The following ASIC2 variants were observed in gnomAD, a reference collection of about 807,000 sequenced individuals.
The protein encoded by ASIC2 is acid sensing ion channel subunit 2.
A neutral mutation model predicts 57.3 loss-of-function variants in ASIC2; 25 were observed. That is an observed-to-expected ratio of 0.44 (90% confidence interval 0.32 to 0.61). The LOEUF (loss-of-function observed/expected upper bound fraction) is 0.61. Ranked by LOEUF, ASIC2 falls within the 20% of genes least tolerant of loss-of-function variation. The probability of loss-of-function intolerance (pLI) is 0.06; values close to 1 mark genes in which losing one functional copy is unlikely to be tolerated. For missense variants in ASIC2, 641 were observed against 738.1 expected (o/e 0.87, Z 1.52); for synonymous variants, 319 against 307.5 (o/e 1.04, Z -0.39).
At chr17:34,109,955 TGAGA>T (rs1373721569) in intron 1 of ASIC2, among the ~76,000 whole-genome samples, 1 of 151,820 alleles carries the variant, frequency 6.6e-6, no homozygotes, top group African/African-American at 2.4e-5. Context: ...TGTGTGTGTG[TGAGA>T]GAGAAAGAGA....
At chr17:33,279,635 C>G (rs1173390614) in intron 1 of ASIC2, among the ~76,000 whole-genome samples, 1 of 152,138 alleles carries the variant, frequency 6.6e-6, no homozygotes, top group African/African-American at 2.4e-5. Flanking sequence ...CACCTGCAAT[C>G]CCAACACTTT....
chr17:33,344,959 G>A (rs1409862259), intron 1 of ASIC2, among the ~76,000 whole-genome samples: 1 of 151,406 alleles, frequency 6.6e-6, no homozygotes, highest in Non-Finnish European at 1.5e-5. Context: ...TGGGGACAGC[G>A]GCTTGAATTA....
intron 1 of ASIC2, among the ~76,000 whole-genome samples, chr17:33,502,234 G>T (rs1319645603): frequency 2.0e-5 from 3 of 152,164 alleles, no homozygotes; most frequent in African/African-American, 7.2e-5. Flanking sequence ...AAACAGGACT[G>T]AACTCCCACA....
rs554611546 is a variant in ASIC2, at chr17:34,090,268, C to A, written c.555+65710G>T. On this transcript the variant is annotated intron_variant, in intron 1 of 9. Transcript: ENST00000359872. ...TCCCAGGGACAGCCAAACATGTGCCCACACATTCCCAAATGCCTGTAGGAG... is the reference window on the plus strand; with the variant it reads ...TCCCAGGGACAGCCAAACATGTGCCAACACATTCCCAAATGCCTGTAGGAG... Among the ~76,000 whole-genome samples the A allele has an allele frequency of 4.6e-5, 7 of 152,296 alleles. No homozygotes were observed. In the East Asian group the frequency reaches 1.4e-3, roughly 29 times the overall value.
chr17:33,934,295 C>T (rs528856483), intron 1 of ASIC2, among the ~76,000 whole-genome samples: 20 of 152,194 alleles, frequency 1.3e-4, no homozygotes, highest in South Asian at 4.1e-4. Flanking sequence ...AATGCCAGTT[C>T]GAAACGGCCA....
intron 1 of ASIC2, among the ~76,000 whole-genome samples, chr17:33,372,573 T>G (rs1339612628): frequency 6.6e-6 from 1 of 152,162 alleles, no homozygotes; most frequent in Admixed American, 6.5e-5. Flanking sequence ...TGCTGGGACC[T>G]CATTTGGACC....
intron 1 of ASIC2, among the ~76,000 whole-genome samples, chr17:33,188,713 A>G (rs1370791410): frequency 1.3e-5 from 2 of 152,134 alleles, no homozygotes; most frequent in East Asian, 3.8e-4. Flanking sequence ...TGGTAAAAAT[A>G]TATTTCAATA....
At chr17:33,737,118 A>C in intron 1 of ASIC2, among the ~76,000 whole-genome samples, 1 of 152,238 alleles carries the variant, frequency 6.6e-6, no homozygotes, top group South Asian at 2.1e-4. Flanking sequence ...AGTTTTTGCT[A>C]ATACAAAAAT....
chr17:33,177,397 G>C (rs1004860691), intron 1 of ASIC2, among the ~76,000 whole-genome samples: 4 of 152,206 alleles, frequency 2.6e-5, no homozygotes, highest in Non-Finnish European at 5.9e-5. Context: ...TGAGAATCAT[G>C]GACTTGGCCT....
chr17:33,746,430 GA>G (rs1328280810), intron 1 of ASIC2, among the ~76,000 whole-genome samples: 4 of 117,462 alleles, frequency 3.4e-5, no homozygotes, highest in African/African-American at 7.8e-5. Context: ...ATACGTATAT[GA>G]ATATGTATAT....
At chr17:34,001,785 T>G (rs1486828419) in intron 1 of ASIC2, 1 of 152,264 alleles carries the variant, frequency 6.6e-6, no homozygotes, top group East Asian at 1.9e-4. Context: ...GCATCTTTTC[T>G]TATTTCTGTG....
At chr17:34,000,250 ATTT>A (rs199804905) in intron 1 of ASIC2, among the ~76,000 whole-genome samples, 3 of 119,212 alleles carry the variant, frequency 2.5e-5, no homozygotes, top group Admixed American at 8.6e-5. Flanking sequence ...GTGGAGATCT[ATTT>A]TTTTTTTTTT....
At chr17:33,173,369 C>A (rs969069502) in intron 1 of ASIC2, among the ~76,000 whole-genome samples, 1 of 152,124 alleles carries the variant, frequency 6.6e-6, no homozygotes, top group Non-Finnish European at 1.5e-5. Flanking sequence ...CCACCACAGA[C>A]CCCAGGTACC....
intron 1 of ASIC2, among the ~76,000 whole-genome samples, chr17:34,107,551 G>T (rs544393592): frequency 6.6e-6 from 1 of 152,174 alleles, no homozygotes; most frequent in South Asian, 2.1e-4. Flanking sequence ...CTTTTGTTCA[G>T]TTCTACAGTA....
intron 1 of ASIC2, among the ~76,000 whole-genome samples, chr17:33,678,135 C>T (rs1907885034): frequency 6.6e-6 from 1 of 152,148 alleles, no homozygotes; most frequent in Non-Finnish European, 1.5e-5. Context: ...TTACAGATCA[C>T]CAAAGGCTCA....
chr17:34,150,634 AG>A (rs1288755419), intron 1 of ASIC2, among the ~76,000 whole-genome samples: 1 of 152,198 alleles, frequency 6.6e-6, no homozygotes, highest in African/African-American at 2.4e-5. Flanking sequence ...TGCAAGAAAA[AG>A]AATAATGACT....
At chr17:33,227,480 GT>G (rs1228383807) in intron 1 of ASIC2, among the ~76,000 whole-genome samples, 1 of 152,076 alleles carries the variant, frequency 6.6e-6, no homozygotes, top group African/African-American at 2.4e-5. Context: ...GTGAGACCCA[GT>G]TCCCTTGGAC....
intron 1 of ASIC2, among the ~76,000 whole-genome samples, chr17:33,326,757 C>G (rs529944509): frequency 6.6e-6 from 1 of 152,326 alleles, no homozygotes; most frequent in African/African-American, 2.4e-5. Flanking sequence ...ACAGTTTTCT[C>G]TGTCTCACTG....
intron 1 of ASIC2, chr17:33,680,653 C>G (rs967611081): frequency 6.6e-6 from 1 of 152,172 alleles, no homozygotes; most frequent in Non-Finnish European, 1.5e-5. Context: ...TCCTGCTGGG[C>G]GCCAAGCAGG....
Sources: gnomAD v4.1 joint callset for allele counts (sites outside exome capture counted in the v4.1 genomes callset) on GRCh38, gnomAD v4.1.1 for gene constraint, MANE v1.5 for transcripts, NCBI Gene and HGNC (gene_info 2026-07-23, HGNC 2026-07-21) for gene names.